Variants in PRKAA1 observed in about 807,000 individuals in gnomAD.
The protein encoded by PRKAA1 is protein kinase AMP-activated catalytic subunit alpha 1, also known as 5'-AMP-activated protein kinase catalytic subunit alpha-1.
PRKAA1 carries 23 observed loss-of-function variants against 56.9 expected under a neutral mutation model. The ratio of observed to expected loss-of-function variants is 0.40; its 90% CI spans 0.29 to 0.57. The LOEUF is 0.57. Among genes scored for constraint, PRKAA1 ranks in the 20% least tolerant of loss-of-function variants. The pLI, the probability that PRKAA1 is intolerant of heterozygous loss-of-function variation, is 0.39. For missense variants in PRKAA1, 413 were observed against 679.7 expected (o/e 0.61, Z 4.36); for synonymous variants, 226 against 227.0 (o/e 1.00, Z 0.04).
chr5:40,797,586 C>T (rs1297160033), intron 1 of PRKAA1, among the ~76,000 whole-genome samples: 1 of 152,332 alleles, frequency 6.6e-6, no homozygotes, highest in Non-Finnish European at 1.5e-5. Flanking sequence ...CAGCAGGGGC[C>T]GGTAAATCGA....
chr5:40,788,223 T>C (rs933225626), intron 1 of PRKAA1, among the ~76,000 whole-genome samples: 1 of 152,298 alleles, frequency 6.6e-6, no homozygotes, highest in Admixed American at 6.5e-5. Flanking sequence ...TGCATATATC[T>C]ATAATCAATG....
At chr5:40,797,895 C>T (rs1463568749) in intron 1 of PRKAA1, among the ~76,000 whole-genome samples, 168 bp downstream of exon 1, 1 of 152,010 alleles carries the variant, frequency 6.6e-6, no homozygotes, top group African/African-American at 2.4e-5. Flanking sequence ...GTGCTGGCCG[C>T]GCCGCAGCCC....
chr5:40,775,458 T>C lies in PRKAA1; in HGVS notation c.315A>G (p.Glu105=), dbSNP rs776543926. The change falls in exon 3 of 9, where the codon GAA becomes GAG. Residue 105 remains glutamate (E), a synonymous_variant. Coordinates refer to ENST00000397128, the MANE Select transcript of PRKAA1 (RefSeq NM_006251.6). The part of the protein sequence containing the change: ...STPSDIFMVM[E]YVSGGELFDY... ...CAAATAGCTCTCCTCCTGAGACATA[T>C]TCCATCACCATGAAAATATCAGATG... 1.9e-6 allele frequency: 3 copies of C among 1,608,770 alleles called. No individual in the cohort carries two copies. Among genetic ancestry groups the C allele is most frequent in the African/African-American group, 1.3e-5 (1 of 74,798 alleles).
At position 40,765,144 on chromosome 5, in the gene PRKAA1, C is replaced by T; in HGVS notation, c.916G>A (p.Glu306Lys). The change falls in exon 7 of 9, where the codon GAA becomes AAA. Residue 306 changes from glutamate (E) to lysine (K), a missense_variant. Coordinates refer to ENST00000397128, the MANE Select transcript of PRKAA1 (RefSeq NM_006251.6). ...STMIDDEALK[E>K]VCEKFECSEE... ...GAGCACTCAAACTTTTCACATACTT[C>T]TTTTAAGGCTTCATCATCAATCATG... 6.2e-7 allele frequency: 1 copy of T among 1,614,136 alleles called. No homozygotes were observed.
chr5:40,795,020 C>CACACACAA (rs1744865747), intron 1 of PRKAA1, among the ~76,000 whole-genome samples: 1 of 151,958 alleles, frequency 6.6e-6, no homozygotes, highest in Non-Finnish European at 1.5e-5. Context: ...CACACACACA[C>CACACACAA]ACACACACAC....
intron 1 of PRKAA1, among the ~76,000 whole-genome samples, chr5:40,793,785 C>A (rs1185117267): frequency 6.6e-6 from 1 of 152,052 alleles, no homozygotes; most frequent in Non-Finnish European, 1.5e-5. Context: ...ACCCTGTCCC[C>A]CCACACTATC....
chr5:40,771,651 T>C, intron 4 of PRKAA1, 68 bp downstream of exon 4: 2 of 1,458,894 alleles, frequency 1.4e-6, no homozygotes, highest in East Asian at 2.3e-5. Context: ...TGAAGAATTC[T>C]AGGTAGGTTC....
chr5:40,778,779 A>ATTTTTTTTTTTTTTTTTTTT (rs70988808), intron 1 of PRKAA1, among the ~76,000 whole-genome samples: 5 of 57,818 alleles, frequency 8.6e-5, no homozygotes, highest in East Asian at 1.1e-3. Flanking sequence ...CTGTTTTTTA[A>ATTTTTTTTTTTTTTTTTTTT]TTTTTTTTTT....
Position 40,764,669 on chromosome 5 carries a change from C to A in PRKAA1, c.1309-29G>T. ...GCACATGGTATAACAAAAACCAAGT[C>A]AAAAGTAATTCTTCTATAAAACATT... is the stretch of plus-strand genomic sequence containing the variant. On this transcript the variant is annotated intron_variant, in intron 7 of 8. Coordinates refer to ENST00000397128, the MANE Select transcript of PRKAA1 (RefSeq NM_006251.6). The A allele has an allele frequency of 1.9e-6, 3 of 1,605,952 alleles. No homozygotes were observed. The South Asian group carries it at 3.3e-5, about 18-fold the overall frequency.
chr5:40,770,421 G>A (rs552667814), intron 4 of PRKAA1, among the ~76,000 whole-genome samples: 76 of 109,860 alleles, frequency 6.9e-4, no homozygotes, highest in Non-Finnish European at 1.1e-3. Context: ...AGCCGAGATC[G>A]TACCACTCCA....
At chr5:40,767,411 A>G (rs564376790) in intron 6 of PRKAA1, 55 bp downstream of exon 6, 15 of 1,461,050 alleles carry the variant, frequency 1.0e-5, no homozygotes, top group African/African-American at 4.3e-5. Flanking sequence ...TTTTTTTCAC[A>G]TAACTTTTAT....
rs1158613441 is a variant in PRKAA1 at position 40,765,134 on chromosome 5, T to C, written c.926A>G (p.Glu309Gly). The C allele has an allele frequency of 1.2e-6, 2 of 1,614,182 alleles. No homozygotes were observed. The highest frequency in any genetic ancestry group is 8.5e-7 in the Non-Finnish European group (1 of 1,180,014). Residue 309 changes from glutamate (E) to glycine (G), a missense_variant, in exon 7 of 9, where the codon GAA (glutamate) becomes GGA (glycine). Around this residue, in one of 9 missense-constraint regions of PRKAA1, gnomAD observed 113 missense variants for 198.6 expected, o/e 0.57. Transcript: ENST00000397128. The part of the protein sequence containing the change: ...IDDEALKEVC[E>G]KFECSEEEVL... ...TTCCTCTTCTGAGCACTCAAACTTT[T>C]CACATACTTCTTTTAAGGCTTCATC...
At position 40,788,737 on chromosome 5, in the gene PRKAA1, G is replaced by C. The variant is rs186869642; in HGVS notation, c.127+9326C>G. 4.2e-3 allele frequency among the ~76,000 whole-genome samples: 636 copies of C among 152,184 alleles called. 4 individuals carry two copies. Among genetic ancestry groups the C allele is most frequent in the African/African-American group, 0.015 (610 of 41,516 alleles). On this transcript the variant is annotated intron_variant, in intron 1 of 8. Coordinates refer to ENST00000397128, the MANE Select transcript of PRKAA1 (RefSeq NM_006251.6). ...AGCTACTCATGAGGCTGAGGCAAAAGAATCGCTTGAACCCGGGAGGCGGAC... is the reference window on the plus strand; with the variant it reads ...AGCTACTCATGAGGCTGAGGCAAAACAATCGCTTGAACCCGGGAGGCGGAC...
At chr5:40,783,729 A>G (rs1744357916) in intron 1 of PRKAA1, among the ~76,000 whole-genome samples, 1 of 152,176 alleles carries the variant, frequency 6.6e-6, no homozygotes, top group Non-Finnish European at 1.5e-5. Context: ...ACTGCACTCC[A>G]GCCTGGGCAA....
chr5:40,791,675 A>G (rs1015414675), intron 1 of PRKAA1, among the ~76,000 whole-genome samples: 3 of 152,244 alleles, frequency 2.0e-5, no homozygotes, highest in Admixed American at 6.5e-5. Flanking sequence ...TTAAGGAAAT[A>G]GCTTAATCCT....
chr5:40,768,331 G>T, intron 5 of PRKAA1: 1 of 662,952 alleles, frequency 1.5e-6, no homozygotes, highest in Non-Finnish European at 1.9e-6. Context: ...CTTGAAGAAA[G>T]ACTTTATCCA....
At position 40,777,475 on chromosome 5, in the gene PRKAA1, T is replaced by C; in HGVS notation, c.239A>G (p.Lys80Arg). ...AATTATATGAGGATGCCTGAAAAGC[T>C]TGAGGTTCTGAATTTCTCTGCGGAT... is the stretch of plus-strand genomic sequence containing the variant. ...GKIRREIQNL[K>R]LFRHPHIIKL... Residue 80 changes from lysine to arginine, a missense_variant, in exon 2 of 9, where the codon AAG becomes AGG. Transcript: ENST00000397128. The C allele has an allele frequency of 6.2e-7, 1 of 1,613,512 alleles. No homozygotes were observed. Among genetic ancestry groups the C allele is most frequent in the Non-Finnish European group, 8.5e-7 (1 of 1,179,426 alleles).
intron 1 of PRKAA1, among the ~76,000 whole-genome samples, chr5:40,788,917 T>C (rs941595282): frequency 1.3e-5 from 2 of 152,056 alleles, no homozygotes; most frequent in Non-Finnish European, 2.9e-5. Context: ...ATCAGATATA[T>C]AGCTAATATC....
intron 1 of PRKAA1, among the ~76,000 whole-genome samples, chr5:40,797,708 C>A (rs1213268464): frequency 1.3e-5 from 2 of 152,220 alleles, no homozygotes; most frequent in African/African-American, 2.4e-5. Flanking sequence ...GCCGCCTCCC[C>A]GGGGATCGCG....
Sources: gnomAD v4.1 joint callset for allele counts (sites outside exome capture counted in the v4.1 genomes callset) on GRCh38, gnomAD v4.1.1 for gene constraint, gnomAD v4.1.1 regional missense constraint, MANE v1.5 for transcripts, NCBI Gene and HGNC (gene_info 2026-07-23, HGNC 2026-07-21) for gene names.